TSNARE1: variants seen among roughly 807,000 people sequenced by gnomAD.
The protein encoded by TSNARE1 is t-SNARE domain-containing protein 1.
In TSNARE1, 49 loss-of-function variants were observed where a neutral mutation model predicts 62.0. The ratio of observed to expected loss-of-function variants is 0.79; its 90% CI spans 0.63 to 1.00. TSNARE1 has a LOEUF of 1.00. Among genes scored for constraint, TSNARE1 ranks in the 50% least tolerant of loss-of-function variants. The probability of loss-of-function intolerance (pLI) is 0.00; values close to 1 mark genes in which losing one functional copy is unlikely to be tolerated. For missense variants in TSNARE1, 755 were observed against 700.1 expected (o/e 1.08, Z -0.88); for synonymous variants, 328 against 294.4 (o/e 1.11, Z -1.17).
At chr8:142,216,476 G>A (rs1158165099) in intron 13 of TSNARE1, among the ~76,000 whole-genome samples, 1 of 152,220 alleles carries the variant, frequency 6.6e-6, no homozygotes, top group Non-Finnish European at 1.5e-5. Context: ...GGGGTCTCCA[G>A]GAAGATGCTA....
intron 1 of TSNARE1, among the ~76,000 whole-genome samples, chr8:142,390,039 G>A (rs1423093594): frequency 1.3e-5 from 2 of 152,256 alleles, no homozygotes; most frequent in Admixed American, 6.5e-5. Context: ...AGAGTGGTAA[G>A]AATCTGCATA....
intron 1 of TSNARE1, among the ~76,000 whole-genome samples, chr8:142,380,836 AG>A (rs1222184941): frequency 2.0e-5 from 3 of 152,180 alleles, no homozygotes; most frequent in Non-Finnish European, 4.4e-5. Context: ...GTTTTCTACA[AG>A]GAACGAGTAC....
chr8:142,392,273 C>T (rs1051411980), intron 1 of TSNARE1, among the ~76,000 whole-genome samples: 1 of 152,144 alleles, frequency 6.6e-6, no homozygotes, highest in African/African-American at 2.4e-5. Context: ...CCACCCACCT[C>T]GGCCTCCCAA....
At chr8:142,277,118 G>C (rs1473616615) in intron 11 of TSNARE1, 2 of 985,216 alleles carry the variant, frequency 2.0e-6, no homozygotes, top group Non-Finnish European at 2.4e-6. Flanking sequence ...GCTTTGTCAG[G>C]TCTTGGAGGC....
chr8:142,333,051 A>C (rs1831276576), intron 4 of TSNARE1, among the ~76,000 whole-genome samples: 1 of 152,192 alleles, frequency 6.6e-6, no homozygotes, highest in Non-Finnish European at 1.5e-5. Context: ...GAAGGTCGAG[A>C]ACGACCAAGG....
At position 142,269,400 on chromosome 8, in the gene TSNARE1, T is replaced by C. The variant is rs1819322011; in HGVS notation, c.1446+5381A>G. 4 of 983,540 alleles carry C rather than the reference T, an allele frequency of 4.1e-6. 1 individual carries two copies. In the South Asian group the frequency reaches 1.9e-4, roughly 46 times the overall value. The allele number at this position is 983,540 out of a possible 1,614,324, so 60.9% of individuals were successfully genotyped here. On this transcript the variant is annotated intron_variant, in intron 12 of 13. Coordinates refer to ENST00000524325, the MANE Select transcript of TSNARE1 (RefSeq NM_145003.5). ...GGTTGGGGCTCAGCTAGCACCAGAG[T>C]AGAGGCTGTGTCCAGGTTAAGACTG...
intron 6 of TSNARE1, among the ~76,000 whole-genome samples, chr8:142,327,773 C>T (rs1364941243): frequency 6.6e-6 from 1 of 152,230 alleles, no homozygotes; most frequent in Admixed American, 6.5e-5. Context: ...CAATCGTCAT[C>T]CAAGGCTCCT....
At chr8:142,356,935 G>C (rs1374080509) in intron 1 of TSNARE1, among the ~76,000 whole-genome samples, 1 of 152,112 alleles carries the variant, frequency 6.6e-6, no homozygotes, top group African/African-American at 2.4e-5. Flanking sequence ...GGACAGGAAG[G>C]GGGGACGCCA....
intron 12 of TSNARE1, among the ~76,000 whole-genome samples, chr8:142,236,365 G>C (rs1037387546): frequency 1.3e-5 from 2 of 151,938 alleles, no homozygotes; most frequent in Non-Finnish European, 2.9e-5. Flanking sequence ...GAAGAGCCTG[G>C]CCAGGGCTGA....
intron 12 of TSNARE1, among the ~76,000 whole-genome samples, chr8:142,233,874 C>T (rs2130113179): frequency 6.6e-6 from 1 of 152,300 alleles, no homozygotes; most frequent in East Asian, 1.9e-4. Context: ...TGGCTTCCGC[C>T]TGTACAGAAC....
At chr8:142,346,677 A>C (rs997320810) in intron 2 of TSNARE1, among the ~76,000 whole-genome samples, 2 of 152,346 alleles carry the variant, frequency 1.3e-5, no homozygotes, top group African/African-American at 4.8e-5. Flanking sequence ...CTGGTAGGTC[A>C]CAAGGATGCT....
At chr8:142,248,521 GC>G (rs1818001869) in intron 12 of TSNARE1, among the ~76,000 whole-genome samples, 1 of 152,174 alleles carries the variant, frequency 6.6e-6, no homozygotes, top group South Asian at 2.1e-4. Context: ...TGAGAACGCG[GC>G]CCCCAGACGG....
intron 9 of TSNARE1, among the ~76,000 whole-genome samples, chr8:142,314,127 G>A (rs999066858): frequency 1.3e-5 from 2 of 152,212 alleles, no homozygotes; most frequent in Admixed American, 1.3e-4. Flanking sequence ...CTCTCAGCAG[G>A]AGAGCTGGTC....
chr8:142,253,904 C>T (rs1818300452), intron 12 of TSNARE1, among the ~76,000 whole-genome samples: 4 of 152,206 alleles, frequency 2.6e-5, no homozygotes, highest in African/African-American at 7.2e-5. Flanking sequence ...CCCTCAGGTT[C>T]CCCCGACCCA....
chr8:142,279,136 G>A (rs1216224868), intron 11 of TSNARE1, among the ~76,000 whole-genome samples: 1 of 152,228 alleles, frequency 6.6e-6, no homozygotes, highest in East Asian at 1.9e-4. Flanking sequence ...AGACCCTGGG[G>A]CCAGCTGGGC....
At chr8:142,317,831 G>A (rs1021724403) in intron 7 of TSNARE1, among the ~76,000 whole-genome samples, 36 of 152,156 alleles carry the variant, frequency 2.4e-4, no homozygotes. Context: ...GGTGACGGGC[G>A]CCTGTAATCT....
At chr8:142,217,945 A>G (rs1348065372) in intron 13 of TSNARE1, among the ~76,000 whole-genome samples, 4 of 81,720 alleles carry the variant, frequency 4.9e-5, no homozygotes, top group African/African-American at 5.6e-5. Context: ...TCAGAGTATG[A>G]GCAGGATCAG....
At chr8:142,318,425 G>A in intron 7 of TSNARE1, 119 bp downstream of exon 7, 1 of 994,680 alleles carries the variant, frequency 1.0e-6, no homozygotes, top group Non-Finnish European at 1.5e-6. Context: ...AGGCCAGTCT[G>A]TGTCCATCCA....
At chr8:142,339,813 G>A (rs867135804) in intron 4 of TSNARE1, among the ~76,000 whole-genome samples, 31 of 152,338 alleles carry the variant, frequency 2.0e-4, no homozygotes, top group Admixed American at 8.5e-4. Flanking sequence ...CTGGGCCCTC[G>A]CCAGCGGAGA....
Sources: allele counts gnomAD v4.1 joint callset (sites outside exome capture counted in the v4.1 genomes callset), GRCh38; gene constraint gnomAD v4.1.1; transcripts MANE v1.5; gene names NCBI Gene and HGNC (gene_info 2026-07-23, HGNC 2026-07-21).